TAFA1: variants seen among roughly 807,000 people sequenced by gnomAD.
TAFA1 encodes the protein chemokine-like protein TAFA-1.
Under a neutral mutation model 18.5 loss-of-function variants are expected in TAFA1, and 4 were observed. The ratio of observed to expected loss-of-function variants is 0.22; its 90% CI spans 0.11 to 0.49. The LOEUF (loss-of-function observed/expected upper bound fraction) is 0.49. Among genes scored for constraint, TAFA1 ranks in the 20% least tolerant of loss-of-function variants. TAFA1 has a pLI of 0.98. For missense variants in TAFA1, 147 were observed against 169.0 expected, an observed-to-expected ratio of 0.87 and a Z score of 0.72; for synonymous variants, 56 against 55.2, an observed-to-expected ratio of 1.01 and a Z score of -0.06.
At position 68,514,305 on chromosome 3, in the gene TAFA1, T is replaced by C. The variant is rs142625357; in HGVS notation, c.260-24451T>C. 9.2e-5 allele frequency among the ~76,000 whole-genome samples: 14 copies of C among 152,316 alleles called. No individual in the cohort carries two copies. The East Asian group carries it at 2.7e-3, about 29-fold the overall frequency. On this transcript the variant is annotated intron_variant, in intron 3 of 4. Coordinates refer to ENST00000478136, the MANE Select transcript of TAFA1 (RefSeq NM_213609.4). ...AGATATGGCAAAATATTTTTAAATG[T>C]GGTCCTTAAGCTTATCTTGTTCTTT... is the stretch of plus-strand genomic sequence containing the variant.
At chr3:68,117,998 C>A (rs1397193838) in intron 2 of TAFA1, among the ~76,000 whole-genome samples, 1 of 152,180 alleles carries the variant, frequency 6.6e-6, no homozygotes, top group African/African-American at 2.4e-5. Flanking sequence ...ACCTTCCTGG[C>A]ACCAGGAACT....
At chr3:68,107,555 G>T (rs908182082) in intron 2 of TAFA1, among the ~76,000 whole-genome samples, 37 of 152,048 alleles carry the variant, frequency 2.4e-4, no homozygotes, top group Admixed American at 2.4e-3. Context: ...TTTGGGATCT[G>T]GTTCTACAGT....
chr3:68,478,931 T>TAC (rs895718044), intron 3 of TAFA1, among the ~76,000 whole-genome samples: 1 of 149,686 alleles, frequency 6.7e-6, no homozygotes, highest in Non-Finnish European at 1.5e-5. Flanking sequence ...TATATATATA[T>TAC]ACATAAAAAT....
intron 2 of TAFA1, among the ~76,000 whole-genome samples, chr3:68,138,375 T>C (rs1214834225): frequency 6.6e-6 from 1 of 152,212 alleles, no homozygotes; most frequent in East Asian, 1.9e-4. Context: ...AGCACTGCAA[T>C]GAATACAGAG....
chr3:68,399,169 G>T (rs2070439265), intron 2 of TAFA1, among the ~76,000 whole-genome samples: 1 of 152,134 alleles, frequency 6.6e-6, no homozygotes, highest in African/African-American at 2.4e-5. Context: ...CAGCTATACT[G>T]AGCAGTTCAT....
At position 68,376,605 on chromosome 3, in the gene TAFA1, C is replaced by T. The variant is rs185976221; in HGVS notation, c.119-40675C>T. ...AGGATCTCATTCTTTTTTACAGCTGCGTAGTATTCCATGGGGTATATGTAC... is the reference window on the plus strand; with the variant it reads ...AGGATCTCATTCTTTTTTACAGCTGTGTAGTATTCCATGGGGTATATGTAC... On this transcript the variant is annotated intron_variant, in intron 2 of 4. Coordinates refer to ENST00000478136, the MANE Select transcript of TAFA1 (RefSeq NM_213609.4). Among the ~76,000 whole-genome samples the T allele has an allele frequency of 4.2e-3, 644 of 152,212 alleles. 9 individuals are homozygous for T. The highest frequency in any genetic ancestry group is 5.4e-3 in the Non-Finnish European group (367 of 68,016).
intron 2 of TAFA1, among the ~76,000 whole-genome samples, chr3:68,157,898 G>C (rs1002127993): frequency 2.0e-5 from 3 of 152,146 alleles, no homozygotes; most frequent in Non-Finnish European, 2.9e-5. Context: ...ACTGTGTCTT[G>C]TTTTTTGGCT....
chr3:68,531,848 T>A (rs896439720), intron 3 of TAFA1, among the ~76,000 whole-genome samples: 16 of 152,294 alleles, frequency 1.1e-4, no homozygotes, highest in African/African-American at 3.4e-4. Flanking sequence ...CCTGCTCATG[T>A]CAACCTAACT....
At chr3:68,184,290 C>T (rs1005487153) in intron 2 of TAFA1, among the ~76,000 whole-genome samples, 4 of 152,118 alleles carry the variant, frequency 2.6e-5, no homozygotes, top group African/African-American at 9.7e-5. Flanking sequence ...CCACAAGTTA[C>T]ATGACAGCGA....
At chr3:68,431,746 C>G (rs534515140) in intron 3 of TAFA1, among the ~76,000 whole-genome samples, 125 of 152,078 alleles carry the variant, frequency 8.2e-4, no homozygotes, top group African/African-American at 2.9e-3. Context: ...CACGTTGTAG[C>G]AGGATGAGTC....
At chr3:68,122,810 GTGTGTGTGTGTA>G (rs954568511) in intron 2 of TAFA1, among the ~76,000 whole-genome samples, 181 of 151,146 alleles carry the variant, frequency 1.2e-3, no homozygotes, top group East Asian at 4.5e-3. Flanking sequence ...ATATATATAT[GTGTGTGTGTGTA>G]TGTGTGTGTG....
chr3:68,206,197 A>G lies in TAFA1; in HGVS notation c.118+199453A>G, dbSNP rs1199623673. Among the ~76,000 whole-genome samples the G allele has an allele frequency of 2.6e-5, 4 of 151,880 alleles. No individual in the cohort carries two copies. In the South Asian group the frequency reaches 8.3e-4, roughly 31 times the overall value. ...TTATGAAATAGTTTGAAAGAGATAT[A>G]TTATGTGTTTATTAAGGGGATGGAA... On this transcript the variant is annotated intron_variant, in intron 2 of 4. Transcript: ENST00000478136.
intron 2 of TAFA1, among the ~76,000 whole-genome samples, chr3:68,354,691 A>G (rs1201657306): frequency 6.6e-6 from 1 of 152,044 alleles, no homozygotes; most frequent in Non-Finnish European, 1.5e-5. Flanking sequence ...ACTGGAGGCT[A>G]GAAAGTCCAA....
chr3:68,327,852 T>C (rs935044711), intron 2 of TAFA1, among the ~76,000 whole-genome samples: 1 of 152,186 alleles, frequency 6.6e-6, no homozygotes, highest in Non-Finnish European at 1.5e-5. Flanking sequence ...TACTTCACTA[T>C]TAGTCTCCAT....
chr3:68,342,274 T>C (rs2069098288), intron 2 of TAFA1, among the ~76,000 whole-genome samples: 1 of 152,196 alleles, frequency 6.6e-6, no homozygotes, highest in Admixed American at 6.5e-5. Context: ...CTAGAAAATC[T>C]AAGATTTGCC....
intron 2 of TAFA1, among the ~76,000 whole-genome samples, chr3:68,127,979 T>C (rs1575632953): frequency 2.0e-5 from 3 of 152,000 alleles, no homozygotes; most frequent in African/African-American, 4.8e-5. Flanking sequence ...GTGGTGGTGA[T>C]GATGATGGTA....
intron 2 of TAFA1, chr3:68,192,441 C>A: frequency 5.0e-6 from 1 of 198,708 alleles, no homozygotes; most frequent in South Asian, 1.1e-4. Flanking sequence ...CTGAATGTGT[C>A]TGATGGGAAT....
intron 2 of TAFA1, among the ~76,000 whole-genome samples, chr3:68,266,296 ATG>A (rs1461373550): frequency 1.3e-5 from 2 of 152,188 alleles, no homozygotes; most frequent in Non-Finnish European, 1.5e-5. Flanking sequence ...GCTTAAAAGA[ATG>A]AGATTGAGAT....
chr3:68,111,045 C>G (rs1288814736), intron 2 of TAFA1, among the ~76,000 whole-genome samples: 2 of 152,330 alleles, frequency 1.3e-5, no homozygotes, highest in East Asian at 3.9e-4. Context: ...TGATCCTGAG[C>G]TGCTAGGGCA....
Sources: gnomAD v4.1 joint callset for allele counts (sites outside exome capture counted in the v4.1 genomes callset) on GRCh38, gnomAD v4.1.1 for gene constraint, MANE v1.5 for transcripts, NCBI Gene and HGNC (gene_info 2026-07-23, HGNC 2026-07-21) for gene names.